Variants in PDGFRL observed in about 807,000 individuals in gnomAD.
PDGFRL encodes platelet derived growth factor receptor like.
Under a neutral mutation model 37.2 loss-of-function variants are expected in PDGFRL, and 46 were observed. The observed-to-expected ratio is 1.24, with a 90% CI of 0.98 to 1.58. PDGFRL has a LOEUF of 1.58. Ranked by LOEUF, PDGFRL falls within the 40% of genes most tolerant of loss-of-function variation. The pLI, the probability that PDGFRL is intolerant of heterozygous loss-of-function variation, is 0.00. For missense variants in PDGFRL, 692 were observed against 467.6 expected (o/e 1.48, Z -4.43); for synonymous variants, 251 against 184.3 (o/e 1.36, Z -2.93).
At chr8:17,628,443 G>T (rs1281469540) in intron 3 of PDGFRL, 44 bp from the exon 4 acceptor site, 1 of 1,523,358 alleles carries the variant, frequency 6.6e-7, no homozygotes, top group Non-Finnish European at 9.1e-7. Context: ...CTTTTACTTT[G>T]CGTCTCCGGA....
At position 17,643,077 on chromosome 8, in the gene PDGFRL, A is replaced by AATC. The variant is rs1166721217; in HGVS notation, c.*279_*281dup. The AATC allele has an allele frequency of 4.3e-5, 14 of 324,970 alleles. No homozygotes were observed. The highest frequency in any genetic ancestry group is 3.0e-4 in the African/African-American group (14 of 46,644). 20.1% of individuals were successfully genotyped at this position (324,970 alleles called of 1,614,324 possible). On this transcript the variant is annotated 3_prime_UTR_variant, in exon 6 of 6. Transcript: ENST00000251630. ...CATGTGTAAACAATTTTATATAATC[A>AATC]ATCATTTCTATTAAATGAGCACGTT...
At chr8:17,593,886 C>T (rs35270526) in intron 2 of PDGFRL, among the ~76,000 whole-genome samples, 1 of 139,170 alleles carries the variant, frequency 7.2e-6, no homozygotes, top group South Asian at 2.5e-4. Context: ...GAAACTCCAT[C>T]TCAAAAAAAA....
intron 2 of PDGFRL, among the ~76,000 whole-genome samples, chr8:17,590,527 C>T: frequency 6.6e-6 from 1 of 151,970 alleles, no homozygotes; most frequent in Non-Finnish European, 1.5e-5. Flanking sequence ...GCCTGGCCAA[C>T]ATGGTGAAAC....
At chr8:17,585,566 C>A (rs1320301841) in intron 1 of PDGFRL, among the ~76,000 whole-genome samples, 4 of 152,142 alleles carry the variant, frequency 2.6e-5, no homozygotes, top group African/African-American at 9.7e-5. Flanking sequence ...AGAGTGGCAT[C>A]TCTCAGTGTA....
intron 2 of PDGFRL, among the ~76,000 whole-genome samples, chr8:17,592,918 A>G (rs558739340): frequency 0.038 from 45 of 1,196 alleles, no homozygotes; most frequent in Admixed American, 0.21. Context: ...ACATACATGC[A>G]CACACACACA....
chr8:17,581,143 C>A (rs774119952), intron 1 of PDGFRL, among the ~76,000 whole-genome samples: 1 of 152,074 alleles, frequency 6.6e-6, no homozygotes, highest in African/African-American at 2.4e-5. Flanking sequence ...ACCAGTAAGA[C>A]AGGGTGAGAC....
chr8:17,623,403 A>T (rs578023462), intron 3 of PDGFRL, among the ~76,000 whole-genome samples: 9 of 152,336 alleles, frequency 5.9e-5, no homozygotes, highest in African/African-American at 2.2e-4. Flanking sequence ...GTGAAGCAAC[A>T]GTGGAAAAAG....
intron 3 of PDGFRL, among the ~76,000 whole-genome samples, chr8:17,625,209 T>G (rs1421446289): frequency 6.9e-6 from 1 of 144,292 alleles, no homozygotes; most frequent in Non-Finnish European, 1.5e-5. Context: ...TGGAGTGCAG[T>G]GGCACCATCT....
At chr8:17,601,424 C>T (rs1419882004) in intron 2 of PDGFRL, among the ~76,000 whole-genome samples, 3 of 151,834 alleles carry the variant, frequency 2.0e-5, no homozygotes, top group Admixed American at 2.0e-4. Context: ...TGAAAGGGAC[C>T]TTCTGATTGT....
At chr8:17,611,269 G>A (rs1804406234) in intron 2 of PDGFRL, among the ~76,000 whole-genome samples, 2 of 152,084 alleles carry the variant, frequency 1.3e-5, no homozygotes, top group Non-Finnish European at 1.5e-5. Context: ...AACTCACATT[G>A]GATAAAAAAG....
rs1013144420 is a variant in PDGFRL, at chr8:17,589,434, C to G, written c.56-34C>G. The G allele has an allele frequency of 2.0e-6, 3 of 1,513,574 alleles. No homozygotes were observed. The African/African-American group carries it at 4.2e-5, about 21-fold the overall frequency. 93.8% of individuals were successfully genotyped at this position (1,513,574 alleles called of 1,614,324 possible). On this transcript the variant is annotated intron_variant, in intron 1 of 5. Coordinates refer to ENST00000251630, the MANE Select transcript of PDGFRL (RefSeq NM_001372073.1). ...CTCAAATATTCCAAAAATGTCATTA[C>G]TACAGCGCATTTCTCTCTCCTTACG...
intron 3 of PDGFRL, among the ~76,000 whole-genome samples, chr8:17,628,119 G>A (rs552510358): frequency 2.2e-4 from 32 of 145,964 alleles, no homozygotes; most frequent in Admixed American, 6.3e-4. Context: ...TCAGCCTCCC[G>A]AGTAGCTGGG....
At chr8:17,631,368 CCT>C (rs1804857778) in intron 4 of PDGFRL, among the ~76,000 whole-genome samples, 1 of 152,098 alleles carries the variant, frequency 6.6e-6, no homozygotes, top group South Asian at 2.1e-4. Context: ...TCTCAGCCAC[CCT>C]GTCGGGGGGA....
In PDGFRL at chr8:17,634,191, C is replaced by A; in HGVS notation, c.917C>A (p.Thr306Asn). Residue 306 changes from threonine to asparagine, a missense_variant, in exon 5 of 6, where the codon ACC becomes AAC. By Grantham distance (65) the Thr-to-Asn change is moderately conservative. Transcript: ENST00000251630. ...GAGCCCGATGTGGAGGTGGAGTTCA[C>A]CTGGATCTTCCCAGGGCAGAAGGTA... ...LGEPDVEVEFTWIFPGQKDER... is the reference protein window; with the variant it reads ...LGEPDVEVEFNWIFPGQKDER... The A allele has an allele frequency of 1.9e-6, 3 of 1,613,170 alleles. No individual in the cohort carries two copies. Among genetic ancestry groups the A allele is most frequent in the South Asian group, 1.1e-5 (1 of 90,996 alleles).
At chr8:17,639,802 C>T (rs940804620) in intron 5 of PDGFRL, among the ~76,000 whole-genome samples, 2 of 152,146 alleles carry the variant, frequency 1.3e-5, no homozygotes, top group African/African-American at 4.8e-5. Flanking sequence ...CTTTGAGCTT[C>T]TTGTATTCAG....
upstream of PDGFRL, among the ~76,000 whole-genome samples, chr8:17,576,937 G>C (rs1025979916): frequency 6.6e-6 from 1 of 152,078 alleles, no homozygotes; most frequent in African/African-American, 2.4e-5. Context: ...GATAACCTTG[G>C]TGAAAACGCC....
At chr8:17,640,706 GTCCT>G (rs1805073555) in intron 5 of PDGFRL, among the ~76,000 whole-genome samples, 1 of 152,136 alleles carries the variant, frequency 6.6e-6, no homozygotes, top group Admixed American at 6.5e-5. Flanking sequence ...CTCTGTGAGG[GTCCT>G]TAGTTGTAGT....
chr8:17,582,477 G>A (rs557589244), intron 1 of PDGFRL, among the ~76,000 whole-genome samples: 4 of 151,964 alleles, frequency 2.6e-5, no homozygotes, highest in Non-Finnish European at 5.9e-5. Context: ...AGCTACTTGG[G>A]AGGCTGAGGC....
At chr8:17,577,597 C>T (rs1037081507) in intron 1 of PDGFRL, among the ~76,000 whole-genome samples, 5 of 151,740 alleles carry the variant, frequency 3.3e-5, no homozygotes, top group African/African-American at 1.2e-4. Context: ...GCATCCCCAG[C>T]CAGCGCCTGG....
Sources: allele counts gnomAD v4.1 joint callset (sites outside exome capture counted in the v4.1 genomes callset), GRCh38; gene constraint gnomAD v4.1.1; transcripts MANE v1.5; gene names NCBI Gene and HGNC (gene_info 2026-07-23, HGNC 2026-07-21).